The following RP1 variants were observed in gnomAD, a reference collection of about 807,000 sequenced individuals.
RP1 encodes the protein oxygen-regulated protein 1.
RP1 carries 16 observed loss-of-function variants against 14.8 expected under a neutral mutation model. The ratio of observed to expected loss-of-function variants is 1.08; its 90% CI spans 0.73 to 1.65. The LOEUF (loss-of-function observed/expected upper bound fraction) is 1.65, where lower values mean the gene tolerates loss of function less well. Among genes scored for constraint, RP1 ranks in the 40% most tolerant of loss-of-function variants. The pLI, the probability that RP1 is intolerant of heterozygous loss-of-function variation, is 0.00. For synonymous variants in RP1, 876 were observed against 883.6 expected, an observed-to-expected ratio of 0.99 and a Z score of 0.15; for missense variants, 2,631 against 2,535.0, an observed-to-expected ratio of 1.04 and a Z score of -0.81.
chr8:54,792,532 A>G (rs75093153), intron 24 of RP1, among the ~76,000 whole-genome samples: 30 of 152,018 alleles, frequency 2.0e-4, no homozygotes, highest in Admixed American at 7.9e-4. Context: ...ATAGTATGAA[A>G]CTCAACGTAA....
chr8:54,643,145 A>G (rs1222623953), intron 3 of RP1, among the ~76,000 whole-genome samples: 1 of 152,188 alleles, frequency 6.6e-6, no homozygotes, highest in East Asian at 1.9e-4. Flanking sequence ...AGTTTAAAAC[A>G]ATTTTACCAT....
chr8:54,588,467 C>T (rs1253339477), intron 1 of RP1, among the ~76,000 whole-genome samples: 1 of 152,158 alleles, frequency 6.6e-6, no homozygotes, highest in Non-Finnish European at 1.5e-5. Flanking sequence ...GAATAAACAG[C>T]TGCAATATTA....
rs549806993 is a variant in RP1 at position 54,697,700 on chromosome 8, C to T, written c.1718-1767C>T. Reference sequence around the variant, plus strand: ...ACTGGTACCCAAACAGATATGTAGACCAATGAAACAGAACAGAGCCCTCAG... The same window carrying T: ...ACTGGTACCCAAACAGATATGTAGATCAATGAAACAGAACAGAGCCCTCAG... On this transcript the variant is annotated intron_variant, in intron 12 of 22. Transcript: ENST00000636932. 5.3e-5 allele frequency among the ~76,000 whole-genome samples: 8 copies of T among 152,300 alleles called. No individual in the cohort carries two copies. In the South Asian group the frequency reaches 1.7e-3, roughly 32 times the overall value.
intron 23 of RP1, among the ~76,000 whole-genome samples, chr8:54,775,613 A>G (rs927070571): frequency 6.6e-6 from 1 of 152,186 alleles, no homozygotes; most frequent in African/African-American, 2.4e-5. Flanking sequence ...GAACTGCCCC[A>G]GTTGACACTA....
chr8:54,611,576 A>T (rs1390319815), upstream of RP1, among the ~76,000 whole-genome samples: 3 of 151,740 alleles, frequency 2.0e-5, no homozygotes, highest in Non-Finnish European at 4.4e-5. Flanking sequence ...TAATATTCTT[A>T]TTTTGTTCAT....
intron 6 of RP1, among the ~76,000 whole-genome samples, chr8:54,660,262 C>G (rs1806856587): frequency 1.3e-5 from 2 of 152,000 alleles, no homozygotes; most frequent in African/African-American, 4.8e-5. Context: ...TTTTCATGAT[C>G]TTAGAGGAAA....
At chr8:54,711,648 G>T (rs983183534) in intron 15 of RP1, among the ~76,000 whole-genome samples, 1 of 152,180 alleles carries the variant, frequency 6.6e-6, no homozygotes, top group East Asian at 1.9e-4. Context: ...AACACCTGCA[G>T]CAGGTCTTCA....
intron 1 of RP1, among the ~76,000 whole-genome samples, chr8:54,608,643 A>G (rs1026291716): frequency 2.0e-5 from 3 of 152,236 alleles, no homozygotes; most frequent in East Asian, 1.9e-4. Flanking sequence ...ACATTTTCCT[A>G]TAACAAACCT....
chr8:54,761,233 CTTTTTTT>C (rs71554177), intron 22 of RP1, among the ~76,000 whole-genome samples: 5 of 109,172 alleles, frequency 4.6e-5, no homozygotes, highest in South Asian at 3.1e-4. Context: ...CGCTACCTTA[CTTTTTTT>C]TTTTTTTTTT....
intron 27 of RP1, among the ~76,000 whole-genome samples, chr8:54,863,842 C>T (rs1282293375): frequency 1.3e-5 from 2 of 152,204 alleles, no homozygotes; most frequent in Non-Finnish European, 2.9e-5. Context: ...ATAACAGATG[C>T]ACATTCTCAT....
intron 1 of RP1, among the ~76,000 whole-genome samples, chr8:54,582,321 G>A (rs867960559): frequency 2.6e-5 from 4 of 152,050 alleles, no homozygotes; most frequent in East Asian, 1.9e-4. Context: ...GTAGATATGC[G>A]GCATTATTTC....
intron 25 of RP1, among the ~76,000 whole-genome samples, chr8:54,842,608 C>T (rs1443508188): frequency 1.3e-5 from 2 of 152,182 alleles, no homozygotes; most frequent in Non-Finnish European, 2.9e-5. Context: ...ACTGGTATCA[C>T]AAAGAGCACT....
intron 18 of RP1, chr8:54,734,826 G>T (rs908574549): frequency 1.0e-5 from 12 of 1,168,056 alleles, no homozygotes; most frequent in Non-Finnish European, 1.4e-5. Context: ...GTGTGTGTGT[G>T]TGTGTCTCCT....
intron 1 of RP1, among the ~76,000 whole-genome samples, chr8:54,571,712 T>C (rs1223890079): frequency 6.6e-6 from 1 of 152,146 alleles, no homozygotes; most frequent in African/African-American, 2.4e-5. Flanking sequence ...AAGTCTGAGA[T>C]CAAGGTATCA....
rs544976233 is a variant in RP1 at position 54,827,715 on chromosome 8, C to G, written c.3616-9735C>G. Among the ~76,000 whole-genome samples, 9 of 152,058 alleles carry G rather than the reference C, an allele frequency of 5.9e-5. No homozygotes were observed. In the South Asian group the frequency reaches 1.9e-3, roughly 32 times the overall value. On this transcript the variant is annotated intron_variant, in intron 24 of 28. Coordinates refer to the RP1 transcript ENST00000637698. Reference sequence around the variant, plus strand: ...GAGTTCCAGACCAGCCTGGCCAACACGGTGAAACCCTGTCTCTACTAAAAA... The same window carrying G: ...GAGTTCCAGACCAGCCTGGCCAACAGGGTGAAACCCTGTCTCTACTAAAAA...
At chr8:54,594,739 G>A (rs1466940317) in intron 1 of RP1, among the ~76,000 whole-genome samples, 6 of 152,108 alleles carry the variant, frequency 3.9e-5, no homozygotes, top group Non-Finnish European at 8.8e-5. Context: ...CAAATAAAAG[G>A]CCACTAGAAG....
intron 22 of RP1, among the ~76,000 whole-genome samples, chr8:54,761,925 T>C (rs1006216524): frequency 6.6e-6 from 1 of 152,190 alleles, no homozygotes; most frequent in Non-Finnish European, 1.5e-5. Flanking sequence ...TCCTTTCTAC[T>C]GCAGAAAAAG....
chr8:54,561,220 TCTTTA>T, intron 1 of RP1, among the ~76,000 whole-genome samples: 1 of 152,310 alleles, frequency 6.6e-6, no homozygotes, highest in East Asian at 1.9e-4. Flanking sequence ...CTAGTAAACC[TCTTTA>T]CTTCATTTGG....
chr8:54,843,811 G>C (rs528899168), intron 25 of RP1, among the ~76,000 whole-genome samples: 2 of 152,320 alleles, frequency 1.3e-5, no homozygotes, highest in Admixed American at 1.3e-4. Flanking sequence ...CAGGTGCAGA[G>C]GGAAGCAGGC....
Sources: gnomAD v4.1 joint callset for allele counts (sites outside exome capture counted in the v4.1 genomes callset) on GRCh38, gnomAD v4.1.1 for gene constraint, MANE v1.5 for transcripts, NCBI Gene and HGNC (gene_info 2026-07-23, HGNC 2026-07-21) for gene names.